CMTM4: variants seen among roughly 807,000 people sequenced by gnomAD.
The protein encoded by CMTM4 is CKLF-like MARVEL transmembrane domain-containing protein 4.
In CMTM4, 8 loss-of-function variants were observed where a neutral mutation model predicts 19.0. That is an observed-to-expected ratio of 0.42 (90% confidence interval 0.25 to 0.76). The LOEUF (loss-of-function observed/expected upper bound fraction) is 0.76. CMTM4 is among the 30% of genes least tolerant of loss of function. CMTM4 has a pLI of 0.27. For synonymous variants in CMTM4, 106 were observed against 121.1 expected (o/e 0.88, Z 0.82); for missense variants, 228 against 290.2 (o/e 0.79, Z 1.56).
chr16:66,667,182 G>C (rs915268224), intron 1 of CMTM4, among the ~76,000 whole-genome samples: 118 of 152,078 alleles, frequency 7.8e-4, no homozygotes, highest in African/African-American at 2.8e-3. Flanking sequence ...AAAATTTGCT[G>C]GGTGTGGTGA....
intron 1 of CMTM4, among the ~76,000 whole-genome samples, chr16:66,694,216 T>A (rs1241924682): frequency 6.6e-6 from 1 of 152,176 alleles, no homozygotes; most frequent in Non-Finnish European, 1.5e-5. Flanking sequence ...AGCAATGCAG[T>A]AATAACTAAC....
intron 3 of CMTM4, 45 bp downstream of exon 3, chr16:66,623,359 G>GGAGGTCCCCA (rs2015675360): frequency 6.9e-7 from 1 of 1,452,056 alleles, no homozygotes; most frequent in East Asian, 2.3e-5. Context: ...GCAGGTCACA[G>GGAGGTCCCCA]GAGGTCCCCA....
At chr16:66,637,437 A>C (rs1452011005) in intron 1 of CMTM4, among the ~76,000 whole-genome samples, 1 of 152,046 alleles carries the variant, frequency 6.6e-6, no homozygotes, top group African/African-American at 2.4e-5. Flanking sequence ...CCAGCTACTC[A>C]GGAGGCTGAG....
At chr16:66,598,341 A>T in the CMTM4 span, among the ~76,000 whole-genome samples, 1 of 152,070 alleles carries the variant, frequency 6.6e-6, no homozygotes, top group Non-Finnish European at 1.5e-5. Flanking sequence ...ATGAGTGTGC[A>T]GTTAACTTAT....
the CMTM4 span, chr16:66,608,319 T>G: frequency 6.2e-7 from 1 of 1,614,192 alleles, no homozygotes; most frequent in Non-Finnish European, 8.5e-7. This position sits in a 1 kb window ranked among gnomAD's most constrained non-coding sequence, Gnocchi z 5.1. Flanking sequence ...GGTCTCTCAT[T>G]CATCACTTTT....
intron 1 of CMTM4, among the ~76,000 whole-genome samples, chr16:66,673,667 C>G (rs758056639): frequency 1.3e-5 from 2 of 152,190 alleles, no homozygotes; most frequent in Non-Finnish European, 2.9e-5. Flanking sequence ...TTTCCCACTG[C>G]AAACAAGCCA....
At chr16:66,633,109 A>G (rs1262431966) in intron 2 of CMTM4, among the ~76,000 whole-genome samples, 1 of 76,736 alleles carries the variant, frequency 1.3e-5, no homozygotes, top group Non-Finnish European at 3.1e-5. Context: ...ATAAATATAT[A>G]TATATATAAA....
chr16:66,604,548 A>C, the CMTM4 span: 1 of 298,794 alleles, frequency 3.3e-6, no homozygotes, highest in Non-Finnish European at 6.1e-6. Context: ...ACCAGGGTGA[A>C]GAAGAAGGTG....
intron 1 of CMTM4, among the ~76,000 whole-genome samples, chr16:66,668,826 A>G (rs1168272390): frequency 6.6e-6 from 1 of 152,186 alleles, no homozygotes; most frequent in African/African-American, 2.4e-5. Context: ...ACAGCTTTAA[A>G]AAAAAGGACT....
chr16:66,654,307 C>G, intron 1 of CMTM4, among the ~76,000 whole-genome samples: 1 of 152,140 alleles, frequency 6.6e-6, no homozygotes, highest in Middle Eastern at 3.2e-3. Context: ...CTCTACAGCA[C>G]TAGGCACTAG....
At position 66,619,941 on chromosome 16, in the gene CMTM4, G is replaced by A. The variant is rs2015597947; in HGVS notation, c.*2117C>T. 3 of 985,302 alleles carry A rather than the reference G, an allele frequency of 3.0e-6. No individual in the cohort carries two copies. Among genetic ancestry groups the A allele is most frequent in the African/African-American group, 1.7e-5 (1 of 57,232 alleles). 61.0% of individuals were successfully genotyped at this position (985,302 alleles called of 1,614,324 possible). On this transcript the variant is annotated 3_prime_UTR_variant, in exon 4 of 4. Transcript: ENST00000394106. ...TCTGCATTTAGTTTCAGTGACTTCA[G>A]AACTATTTCTTGCAGCTGACAACAT...
At chr16:66,671,015 G>A (rs1293426813) in intron 1 of CMTM4, among the ~76,000 whole-genome samples, 1 of 152,110 alleles carries the variant, frequency 6.6e-6, no homozygotes, top group Non-Finnish European at 1.5e-5. Context: ...ACATCAGTCT[G>A]ACTTTTTAAA....
intron 1 of CMTM4, among the ~76,000 whole-genome samples, chr16:66,660,270 C>T (rs2016476192): frequency 6.6e-6 from 1 of 151,514 alleles, no homozygotes; most frequent in Non-Finnish European, 1.5e-5. Flanking sequence ...TGTCTGTGGT[C>T]TCAGCCTCTT....
At chr16:66,672,072 A>G (rs1288780246) in intron 1 of CMTM4, among the ~76,000 whole-genome samples, 2 of 152,190 alleles carry the variant, frequency 1.3e-5, no homozygotes, top group East Asian at 3.9e-4. Flanking sequence ...GGATATATTT[A>G]TAACACATAT....
intron 1 of CMTM4, among the ~76,000 whole-genome samples, chr16:66,647,148 T>C (rs2016218310): frequency 7.9e-6 from 1 of 126,032 alleles, no homozygotes. Flanking sequence ...ACCCCGCCTC[T>C]ACTAAAAAAA....
chr16:66,694,541 C>G (rs1439341103), intron 1 of CMTM4, among the ~76,000 whole-genome samples: 1 of 151,754 alleles, frequency 6.6e-6, no homozygotes, highest in East Asian at 1.9e-4. Flanking sequence ...AGCAAAACCC[C>G]GTCTCTACTA....
At position 66,617,692 on chromosome 16, in the gene CMTM4, C is replaced by CTACAAAGCGCCAGGGAAGTT. The variant is rs1305963369; in HGVS notation, c.*4346_*4365dup. On this transcript the variant is annotated 3_prime_UTR_variant, in exon 4 of 4. Coordinates refer to ENST00000394106, the MANE Select transcript of CMTM4 (RefSeq NM_181521.3). ...CTGAGAAGAGAAGAAACACAAGATT[C>CTACAAAGCGCCAGGGAAGTT]TACAAAGCGCCAGGGAAGTTTACAA... 2 of 1,050,532 alleles carry CTACAAAGCGCCAGGGAAGTT rather than the reference C, an allele frequency of 1.9e-6. No homozygotes were observed. The highest frequency in any genetic ancestry group is 2.3e-6 in the Non-Finnish European group (2 of 870,458). The allele number at this position is 1,050,532 out of a possible 1,614,324, so 65.1% of individuals were successfully genotyped here. A position where few individuals can be genotyped will look rare whatever the true frequency, so the allele number is the denominator to read the frequency against.
At chr16:66,691,333 G>A (rs1359058710) in intron 1 of CMTM4, among the ~76,000 whole-genome samples, 1 of 152,000 alleles carries the variant, frequency 6.6e-6, no homozygotes, top group African/African-American at 2.4e-5. Flanking sequence ...CAAGGAGGAA[G>A]AAGATAATTT....
At chr16:66,611,236 T>C (rs1294733238), downstream of CMTM4, among the ~76,000 whole-genome samples, 1 of 152,138 alleles carries the variant, frequency 6.6e-6, no homozygotes, top group Admixed American at 6.5e-5. Flanking sequence ...GTGGATCACT[T>C]GAGGTCAGGA....
Sources: gnomAD v4.1 joint callset for allele counts (sites outside exome capture counted in the v4.1 genomes callset) on GRCh38, gnomAD v4.1.1 for gene constraint, Gnocchi (gnomAD v3.1) non-coding constraint, MANE v1.5 for transcripts, NCBI Gene and HGNC (gene_info 2026-07-23, HGNC 2026-07-21) for gene names.